NCOR2: variants seen among roughly 807,000 people sequenced by gnomAD.
NCOR2 encodes the protein CTG repeat protein 26.
In NCOR2, 81 loss-of-function variants were observed where a neutral mutation model predicts 262.9. The observed-to-expected ratio is 0.31, with a 90% CI of 0.26 to 0.37. NCOR2 has a LOEUF of 0.37. Among genes scored for constraint, NCOR2 ranks in the 10% least tolerant of loss-of-function variants. The probability of loss-of-function intolerance (pLI) is 1.00; values close to 1 mark genes in which losing one functional copy is unlikely to be tolerated. For synonymous variants in NCOR2, 1,659 were observed against 1,559.3 expected (o/e 1.06, Z -1.51); for missense variants, 3,385 against 3,621.4 (o/e 0.93, Z 1.68).
chr12:124,418,104 T>C (rs905533617), intron 13 of NCOR2, among the ~76,000 whole-genome samples: 6 of 150,134 alleles, frequency 4.0e-5, no homozygotes, highest in African/African-American at 9.8e-5. Flanking sequence ...AAATAAAACA[T>C]AGCTACGTCT....
intron 18 of NCOR2, among the ~76,000 whole-genome samples, chr12:124,375,364 T>A (rs577179427): frequency 6.6e-6 from 1 of 151,986 alleles, no homozygotes; most frequent in East Asian, 1.9e-4. Context: ...ATCAAGGGGG[T>A]CTGGGGCAGG....
At chr12:124,540,876 G>T (rs1367744629) in intron 1 of NCOR2, among the ~76,000 whole-genome samples, 1 of 4,110 alleles carries the variant, frequency 2.4e-4, no homozygotes. Context: ...AGTGGAGATG[G>T]AGGGGGCTGG....
At chr12:124,347,127 G>C (rs1409546925) in intron 30 of NCOR2, among the ~76,000 whole-genome samples, 10 of 152,220 alleles carry the variant, frequency 6.6e-5, no homozygotes, top group Non-Finnish European at 1.5e-5. Context: ...CCAACACTCT[G>C]GGGGGCTGCG....
chr12:124,450,610 C>T (rs1168658481), intron 6 of NCOR2, among the ~76,000 whole-genome samples: 1 of 152,224 alleles, frequency 6.6e-6, no homozygotes, highest in Non-Finnish European at 1.5e-5. Flanking sequence ...AAATCCCACA[C>T]AGCAGTGAGA....
chr12:124,402,521 T>TGCTGCG (rs879061669), exon 14 of NCOR2: 31 of 1,539,468 alleles, frequency 2.0e-5, no homozygotes, highest in Middle Eastern at 1.7e-4. Context: ...GGGCTGCTGC[T>TGCTGCG]GCTGCTGCTG....
chr12:124,359,768 C>T (rs1291221282), intron 22 of NCOR2, among the ~76,000 whole-genome samples: 1 of 152,222 alleles, frequency 6.6e-6, no homozygotes, highest in African/African-American at 2.4e-5. Flanking sequence ...ACAACCTGTT[C>T]CTCCAGTTGG....
intron 43 of NCOR2, 128 bp downstream of exon 45, chr12:124,332,191 G>T: frequency 8.4e-7 from 1 of 1,192,886 alleles, no homozygotes; most frequent in Non-Finnish European, 1.2e-6. Context: ...GGGGGAGGTG[G>T]TCAGCAGGGC....
At chr12:124,386,486 C>T (rs1180650690) in intron 16 of NCOR2, among the ~76,000 whole-genome samples, 1 of 152,090 alleles carries the variant, frequency 6.6e-6, no homozygotes, top group South Asian at 2.1e-4. Context: ...GCCCAAACTC[C>T]CTAAGGGCAC....
At chr12:124,325,982 C>T in intron 46 of NCOR2, 1 of 535,122 alleles carries the variant, frequency 1.9e-6, no homozygotes, top group Non-Finnish European at 3.0e-6. Flanking sequence ...CAACCACACC[C>T]TTTTCCTCTG....
At chr12:124,339,336 T>TCCATCC (rs1289115441) in intron 37 of NCOR2, among the ~76,000 whole-genome samples, 25 of 132,558 alleles carry the variant, frequency 1.9e-4, no homozygotes, top group Admixed American at 7.9e-4. Context: ...TCCATCCATC[T>TCCATCC]GGCTAACTCA....
chr12:124,394,413 C>A lies in NCOR2; in HGVS notation c.1876+3706G>T, dbSNP rs2041524247. Among the ~76,000 whole-genome samples the A allele has an allele frequency of 2.0e-5, 3 of 152,316 alleles. No individual in the cohort carries two copies. In the South Asian group the frequency reaches 6.2e-4, roughly 32 times the overall value. On this transcript the variant is annotated intron_variant, in intron 16 of 46. Coordinates refer to ENST00000405201, the Ensembl canonical transcript of NCOR2. ...GCTCTTCTGTGTACTTTCACCAAAACCCCAGGAAGGTGGGTGTGCTGGGTT... is the reference window on the plus strand; with the variant it reads ...GCTCTTCTGTGTACTTTCACCAAAAACCCAGGAAGGTGGGTGTGCTGGGTT...
At chr12:124,417,180 GAGCAGGCCGGACACTCACTCCACGGAC>G (rs1555220415) in intron 13 of NCOR2, among the ~76,000 whole-genome samples, 63 of 29,810 alleles carry the variant, frequency 2.1e-3, no homozygotes, top group African/African-American at 3.2e-3. Context: ...ACTCCACGCA[GAGCAGGCCGGACACTCACTCCACGGAC>G]AGCAGGCCGG....
intron 16 of NCOR2, 87 bp from the exon 19 acceptor site, chr12:124,385,974 C>A: frequency 6.7e-7 from 1 of 1,501,688 alleles, no homozygotes; most frequent in Non-Finnish European, 8.9e-7. Context: ...GCAAACGGGC[C>A]TGGAGCAGAA....
intron 31 of NCOR2, among the ~76,000 whole-genome samples, 166 bp downstream of exon 33, chr12:124,346,398 C>T (rs566096413): frequency 1.3e-5 from 2 of 152,288 alleles, no homozygotes; most frequent in South Asian, 4.1e-4. Flanking sequence ...CCTGCGCAGC[C>T]CTGGAACACG....
chr12:124,565,264 G>C (rs2052198753), intron 1 of NCOR2, among the ~76,000 whole-genome samples: 1 of 152,110 alleles, frequency 6.6e-6, no homozygotes, highest in Non-Finnish European at 1.5e-5. Flanking sequence ...CCATGTCTGG[G>C]CACCGGCACC....
chr12:124,326,497 C>T (rs563073147), intron 45 of NCOR2, 127 bp from the exon 48 acceptor site: 31 of 934,092 alleles, frequency 3.3e-5, no homozygotes, highest in African/African-American at 2.4e-4. Flanking sequence ...AGAGCAGTAA[C>T]GTGAACCCCT....
intron 30 of NCOR2, chr12:124,347,363 G>A (rs989848800): frequency 1.7e-5 from 3 of 174,416 alleles, no homozygotes; most frequent in African/African-American, 2.4e-5. Context: ...ATGAGACCCT[G>A]TCTCAAACAG....
chr12:124,445,015 C>A (rs2045050017), intron 7 of NCOR2, among the ~76,000 whole-genome samples: 1 of 152,170 alleles, frequency 6.6e-6, no homozygotes, highest in Non-Finnish European at 1.5e-5. Context: ...TCCGCCTGCA[C>A]AGCCCCGGGT....
At chr12:124,402,547 CTGTTGT>C (rs761070441) in exon 14 of NCOR2, 14 of 1,553,068 alleles carry the variant, frequency 9.0e-6, no homozygotes, top group South Asian at 2.3e-5. Flanking sequence ...GCTGCTGCTG[CTGTTGT>C]TGCTGCTGCT....
Sources: allele counts gnomAD v4.1 joint callset (sites outside exome capture counted in the v4.1 genomes callset), GRCh38; gene constraint gnomAD v4.1.1; transcripts MANE v1.5; gene names NCBI Gene and HGNC (gene_info 2026-07-23, HGNC 2026-07-21).